DLGAP2: variants seen among roughly 807,000 people sequenced by gnomAD.
The protein encoded by DLGAP2 is DLG associated protein 2, also known as disks large-associated protein 2.
In DLGAP2, 26 loss-of-function variants were observed where a neutral mutation model predicts 100.3. The ratio of observed to expected loss-of-function variants is 0.26; its 90% CI spans 0.19 to 0.36. DLGAP2 has a LOEUF of 0.36. Among genes scored for constraint, DLGAP2 ranks in the 10% least tolerant of loss-of-function variants. The probability of loss-of-function intolerance (pLI) is 1.00; values close to 1 mark genes in which losing one functional copy is unlikely to be tolerated. For synonymous variants in DLGAP2, 886 were observed against 630.1 expected (o/e 1.41, Z -6.08); for missense variants, 1,858 against 1,453.2 (o/e 1.28, Z -4.53).
At chr8:1,052,473 G>A (rs1358528674) in intron 2 of DLGAP2, among the ~76,000 whole-genome samples, 1 of 152,218 alleles carries the variant, frequency 6.6e-6, no homozygotes, top group Non-Finnish European at 1.5e-5. Context: ...CGTGGAAAAG[G>A]CAGTGGGGAG....
intron 1 of DLGAP2, among the ~76,000 whole-genome samples, chr8:848,249 A>T (rs1797106621): frequency 6.6e-6 from 1 of 152,228 alleles, no homozygotes; most frequent in African/African-American, 2.4e-5. Flanking sequence ...TAAATTGCTG[A>T]GTAGTATTCC....
At chr8:821,798 A>G (rs1294250995) in intron 1 of DLGAP2, among the ~76,000 whole-genome samples, 2 of 152,220 alleles carry the variant, frequency 1.3e-5, no homozygotes, top group Non-Finnish European at 2.9e-5. Context: ...AAATGGTTAA[A>G]TGTACATTAT....
chr8:1,106,133 AG>A (rs67283017), intron 2 of DLGAP2, among the ~76,000 whole-genome samples: 2 of 92,804 alleles, frequency 2.2e-5, no homozygotes, highest in Non-Finnish European at 4.6e-5. Flanking sequence ...TTTTCTATTG[AG>A]GGGAGCCATT....
intron 2 of DLGAP2, among the ~76,000 whole-genome samples, chr8:914,887 A>C (rs1015051025): frequency 3.9e-5 from 6 of 152,174 alleles, no homozygotes; most frequent in African/African-American, 1.4e-4. Context: ...GGGGCTGGAA[A>C]TAGACCTACA....
chr8:1,660,240 T>C (rs551544155), intron 8 of DLGAP2, among the ~76,000 whole-genome samples: 1 of 152,326 alleles, frequency 6.6e-6, no homozygotes, highest in South Asian at 2.1e-4. Flanking sequence ...TCCCTTTGTG[T>C]GTAACCTGAC....
intron 1 of DLGAP2, among the ~76,000 whole-genome samples, chr8:799,895 C>T (rs966719314): frequency 2.6e-5 from 4 of 152,198 alleles, no homozygotes; most frequent in African/African-American, 9.6e-5. Context: ...CAGCTCCCGG[C>T]CCCTCACTTT....
intron 1 of DLGAP2, among the ~76,000 whole-genome samples, chr8:813,567 A>G (rs1258108860): frequency 2.0e-5 from 3 of 152,202 alleles, no homozygotes; most frequent in Non-Finnish European, 4.4e-5. Flanking sequence ...ACTGAGGAAT[A>G]AACAGGAAGG....
At chr8:1,629,488 A>C (rs1333932819) in intron 7 of DLGAP2, among the ~76,000 whole-genome samples, 2 of 152,234 alleles carry the variant, frequency 1.3e-5, no homozygotes, top group African/African-American at 4.8e-5. Context: ...TAATTATTTT[A>C]ATAACTGAGG....
At chr8:1,087,584 A>G (rs530578189) in intron 2 of DLGAP2, among the ~76,000 whole-genome samples, 2 of 144,054 alleles carry the variant, frequency 1.4e-5, no homozygotes, top group South Asian at 4.4e-4. Context: ...TCTCTGTGCC[A>G]TCTTCATCTT....
chr8:836,348 C>T (rs563790751), intron 1 of DLGAP2, among the ~76,000 whole-genome samples: 1 of 152,184 alleles, frequency 6.6e-6, no homozygotes, highest in Non-Finnish European at 1.5e-5. Flanking sequence ...CTGGGCCCTG[C>T]CTTGCGGGCG....
chr8:1,331,786 A>G (rs1801163724), intron 3 of DLGAP2, among the ~76,000 whole-genome samples: 1 of 152,188 alleles, frequency 6.6e-6, no homozygotes, highest in East Asian at 1.9e-4. Context: ...TCTCTGAGAT[A>G]CGTGTAAATC....
In DLGAP2 at chr8:1,582,470, A is replaced by G. The variant is rs559920924; in HGVS notation, c.1442+16576A>G. On this transcript the variant is annotated intron_variant, in intron 6 of 14. Coordinates refer to ENST00000637795, the MANE Select transcript of DLGAP2 (RefSeq NM_001346810.2). ...GACGTTAGCCCAGAATTCTAGAATG[A>G]GAGAAAATATCTTTCATAAATCAAA... Among the ~76,000 whole-genome samples, 117 of 152,162 alleles carry G rather than the reference A, an allele frequency of 7.7e-4. 1 individual carries two copies. Among genetic ancestry groups the G allele is most frequent in the Middle Eastern group, 6.8e-3 (2 of 294 alleles).
At chr8:1,597,379 G>GT (rs34775138) in intron 6 of DLGAP2, among the ~76,000 whole-genome samples, 62,799 of 150,134 alleles carry the variant, frequency 0.42, 13,085 homozygotes, top group Non-Finnish European at 0.42. Flanking sequence ...ATTTAAAGTA[G>GT]TTTTTTTTTT....
chr8:1,374,433 C>T (rs996658536), intron 3 of DLGAP2, among the ~76,000 whole-genome samples: 3 of 152,134 alleles, frequency 2.0e-5, no homozygotes, highest in Admixed American at 2.0e-4. Context: ...GCTGATTTTG[C>T]CTTCTCTGTA....
chr8:1,569,889 G>A (rs1257932169), intron 6 of DLGAP2, among the ~76,000 whole-genome samples: 1 of 151,272 alleles, frequency 6.6e-6, no homozygotes, highest in African/African-American at 2.4e-5. Flanking sequence ...GTGGAGGGCA[G>A]GTAGATCTTC....
chr8:1,087,191 A>G (rs1397730015), intron 2 of DLGAP2, among the ~76,000 whole-genome samples: 2 of 151,760 alleles, frequency 1.3e-5, no homozygotes, highest in Non-Finnish European at 2.9e-5. Context: ...AAATGGAAAC[A>G]TCATGCGTAC....
chr8:1,478,726 G>A (rs955399831), intron 3 of DLGAP2, among the ~76,000 whole-genome samples: 15 of 152,164 alleles, frequency 9.9e-5, no homozygotes, highest in African/African-American at 3.4e-4. Flanking sequence ...GCATTTGGAT[G>A]GCAGCCACCC....
intron 3 of DLGAP2, among the ~76,000 whole-genome samples, chr8:1,471,679 G>A (rs981969862): frequency 1.6e-5 from 2 of 122,764 alleles, no homozygotes; most frequent in African/African-American, 7.3e-5. Flanking sequence ...TTATGAGCAT[G>A]GGAAATGCCT....
At chr8:1,510,986 A>G (rs1044964586) in intron 4 of DLGAP2, among the ~76,000 whole-genome samples, 1 of 152,258 alleles carries the variant, frequency 6.6e-6, no homozygotes, top group Non-Finnish European at 1.5e-5. Context: ...GCTTCTCCAG[A>G]TAAATCTGTG....
Sources: allele counts gnomAD v4.1 joint callset (sites outside exome capture counted in the v4.1 genomes callset), GRCh38; gene constraint gnomAD v4.1.1; transcripts MANE v1.5; gene names NCBI Gene and HGNC (gene_info 2026-07-23, HGNC 2026-07-21).